Variants in PLEKHA7 observed in about 807,000 individuals in gnomAD.
The protein encoded by PLEKHA7 is pleckstrin homology domain-containing family A member 7.
A neutral mutation model predicts 170.0 loss-of-function variants in PLEKHA7; 104 were observed. The ratio of observed to expected loss-of-function variants is 0.61; its 90% CI spans 0.52 to 0.72. PLEKHA7 has a LOEUF of 0.72. Ranked by LOEUF, PLEKHA7 falls within the 30% of genes least tolerant of loss-of-function variation. The pLI, the probability that PLEKHA7 is intolerant of heterozygous loss-of-function variation, is 0.00. For synonymous variants in PLEKHA7, 648 were observed against 660.8 expected (o/e 0.98, Z 0.30); for missense variants, 1,615 against 1,671.7 (o/e 0.97, Z 0.59).
In PLEKHA7 at chr11:16,817,620, A is replaced by G. The variant is rs1174018559; in HGVS notation, c.1344-298T>C. On this transcript the variant is annotated intron_variant, in intron 10 of 26. Coordinates refer to ENST00000531066, the MANE Select transcript of PLEKHA7 (RefSeq NM_001329630.2). The surrounding 1 kb of genome is among the most constrained non-coding windows in gnomAD (Gnocchi z 4.4). The stretch of plus-strand genomic sequence containing the variant: ...CCTTCTCTCTCCGCTGCCAGCAGTC[A>G]GCTCTTTCAATGGCTATGCATATTT... Among the ~76,000 whole-genome samples, 3 of 152,212 alleles carry G rather than the reference A, an allele frequency of 2.0e-5. No homozygotes were observed. Among genetic ancestry groups the G allele is most frequent in the Non-Finnish European group, 4.4e-5 (3 of 68,042 alleles).
chr11:16,837,233 G>C (rs938359773), intron 9 of PLEKHA7, among the ~76,000 whole-genome samples: 2 of 152,136 alleles, frequency 1.3e-5, no homozygotes, highest in Non-Finnish European at 2.9e-5. Flanking sequence ...AGAAAAACTA[G>C]GGATGATACA....
chr11:16,792,462 C>T (rs567289735), intron 19 of PLEKHA7, among the ~76,000 whole-genome samples: 4 of 149,452 alleles, frequency 2.7e-5, no homozygotes, highest in Non-Finnish European at 5.9e-5. Context: ...AGATGCAAGA[C>T]ACAAAATAGT....
intron 9 of PLEKHA7, among the ~76,000 whole-genome samples, chr11:16,838,750 G>A (rs536992016): frequency 5.6e-5 from 8 of 142,946 alleles, no homozygotes; most frequent in East Asian, 4.2e-4. Flanking sequence ...GCAGTGGTGC[G>A]ATCTCTGCTC....
chr11:16,795,112 T>C (rs1848129911), intron 17 of PLEKHA7, 94 bp from the exon 18 acceptor site: 2 of 882,140 alleles, frequency 2.3e-6, no homozygotes, highest in Non-Finnish European at 3.8e-6. Context: ...CCCCCCGCCC[T>C]GAGGGGCAGC....
At chr11:16,832,415 T>C (rs922476628) in intron 9 of PLEKHA7, among the ~76,000 whole-genome samples, 1 of 152,214 alleles carries the variant, frequency 6.6e-6, no homozygotes, top group Non-Finnish European at 1.5e-5. Flanking sequence ...TATTTTCCCT[T>C]GCAAGTGGGA....
chr11:16,867,281 G>A (rs1412317159), intron 4 of PLEKHA7, among the ~76,000 whole-genome samples: 3 of 152,134 alleles, frequency 2.0e-5, no homozygotes. Flanking sequence ...CCTGGGGTGG[G>A]GCCAAGAATT....
intron 3 of PLEKHA7, among the ~76,000 whole-genome samples, chr11:16,996,662 C>T (rs748680080): frequency 5.9e-5 from 9 of 152,138 alleles, no homozygotes; most frequent in Non-Finnish European, 1.2e-4. Flanking sequence ...AGAGGCCGGG[C>T]GCAGTGGCTC....
intron 3 of PLEKHA7, among the ~76,000 whole-genome samples, chr11:16,906,137 AAT>A (rs2136091105): frequency 6.6e-6 from 1 of 152,146 alleles, no homozygotes; most frequent in South Asian, 2.1e-4. Flanking sequence ...CTTCAAAATT[AAT>A]ATTCAAAGTC....
intron 3 of PLEKHA7, among the ~76,000 whole-genome samples, chr11:16,984,070 A>G (rs913870110): frequency 5.3e-5 from 8 of 152,080 alleles, no homozygotes; most frequent in Admixed American, 3.3e-4. Flanking sequence ...TAAAAAATAA[A>G]AAGAATTTTA....
intron 3 of PLEKHA7, among the ~76,000 whole-genome samples, chr11:16,957,697 C>CTTTTTT (rs1169142909): frequency 9.2e-5 from 8 of 87,294 alleles, no homozygotes; most frequent in African/African-American, 1.5e-4. Context: ...TAATTTTTTT[C>CTTTTTT]TTTTTTTTTT....
At chr11:16,967,238 AG>A (rs1190044115) in intron 3 of PLEKHA7, among the ~76,000 whole-genome samples, 1 of 152,214 alleles carries the variant, frequency 6.6e-6, no homozygotes, top group Non-Finnish European at 1.5e-5. Flanking sequence ...TGGCTTTGCT[AG>A]TTAAAGTTTA....
At chr11:16,991,762 C>T (rs920996534) in intron 3 of PLEKHA7, among the ~76,000 whole-genome samples, 3 of 152,088 alleles carry the variant, frequency 2.0e-5, no homozygotes, top group Non-Finnish European at 2.9e-5. Context: ...ATGGTTCGAG[C>T]GGAGAGGTGC....
chr11:16,947,925 A>G (rs1047227617), intron 3 of PLEKHA7, among the ~76,000 whole-genome samples: 2 of 92,362 alleles, frequency 2.2e-5, no homozygotes, highest in Admixed American at 1.0e-4. Flanking sequence ...CAAAAAAAAA[A>G]AAAAAAAGAA....
chr11:16,866,083 C>T (rs928456246), intron 4 of PLEKHA7, among the ~76,000 whole-genome samples: 3 of 149,542 alleles, frequency 2.0e-5, no homozygotes, highest in Non-Finnish European at 3.0e-5. Context: ...CCCGCCTTGG[C>T]CTCCCAAAGT....
At chr11:16,871,477 C>G (rs1854844115) in intron 3 of PLEKHA7, among the ~76,000 whole-genome samples, 2 of 152,128 alleles carry the variant, frequency 1.3e-5, no homozygotes, top group South Asian at 2.1e-4. Context: ...AGTACTTACT[C>G]CAGCAAACTG....
chr11:16,986,494 C>T lies in PLEKHA7; in HGVS notation c.221+27495G>A, dbSNP rs561144515. Among the ~76,000 whole-genome samples the T allele has an allele frequency of 2.0e-5, 3 of 152,272 alleles. No homozygotes were observed. The East Asian group carries it at 5.8e-4, about 29-fold the overall frequency. On this transcript the variant is annotated intron_variant, in intron 3 of 26. Transcript: ENST00000531066. ...GCTGCTGGGGAGATGCCAGCAGAAC[C>T]ATGTCACACCTTGCCCACAGTCACC...
chr11:16,814,948 C>T (rs1026221078), intron 12 of PLEKHA7, among the ~76,000 whole-genome samples: 2 of 152,232 alleles, frequency 1.3e-5, no homozygotes, highest in South Asian at 4.1e-4. Flanking sequence ...GCCAGAGAAG[C>T]GACAGTTTAG....
At chr11:16,943,202 C>T (rs545736543) in intron 3 of PLEKHA7, among the ~76,000 whole-genome samples, 2 of 152,062 alleles carry the variant, frequency 1.3e-5, no homozygotes, top group East Asian at 1.9e-4. Context: ...TTTTACTTAA[C>T]CCAAAATATT....
chr11:16,847,635 G>T (rs1235038886), intron 8 of PLEKHA7, among the ~76,000 whole-genome samples: 1 of 151,874 alleles, frequency 6.6e-6, no homozygotes, highest in Admixed American at 6.6e-5. Context: ...TTTGAGACCA[G>T]CCTGGCCAAC....
Sources: allele counts gnomAD v4.1 joint callset (sites outside exome capture counted in the v4.1 genomes callset), GRCh38; gene constraint gnomAD v4.1.1; non-coding constraint Gnocchi (gnomAD v3.1); transcripts MANE v1.5; gene names NCBI Gene and HGNC (gene_info 2026-07-23, HGNC 2026-07-21).